Variants in DAB1 observed in about 807,000 individuals in gnomAD.
DAB1 encodes the protein DAB adaptor protein 1.
Under a neutral mutation model 64.6 loss-of-function variants are expected in DAB1, and 15 were observed. The observed-to-expected ratio is 0.23, with a 90% CI of 0.16 to 0.36. The LOEUF is 0.36. DAB1 is among the 10% of genes least tolerant of loss of function. The pLI is 1.00. For synonymous variants in DAB1, 235 were observed against 251.9 expected (o/e 0.93, Z 0.64); for missense variants, 596 against 706.7 (o/e 0.84, Z 1.78).
At chr1:57,340,294 A>G (rs1448979312) in intron 1 of DAB1, among the ~76,000 whole-genome samples, 1 of 152,242 alleles carries the variant, frequency 6.6e-6, no homozygotes, top group Non-Finnish European at 1.5e-5. Context: ...ATGCCTGTAC[A>G]CAAGTTCATT....
chr1:57,938,695 A>G (rs970680560), intron 5 of DAB1, among the ~76,000 whole-genome samples: 2 of 151,330 alleles, frequency 1.3e-5, no homozygotes, highest in Admixed American at 1.3e-4. Context: ...ACAGCATGTG[A>G]AAACAGACTA....
chr1:58,379,249 T>C (rs1190047442), intron 3 of DAB1, among the ~76,000 whole-genome samples: 1 of 152,238 alleles, frequency 6.6e-6, no homozygotes, highest in Non-Finnish European at 1.5e-5. Context: ...ATCTTGGAAG[T>C]AGCAGTCAGT....
chr1:58,300,598 AAGAAAGAAAGAAAGAGAGAGAGAGAGAG>A lies in DAB1; in HGVS notation n.309+42726_309+42753del, dbSNP rs1267963190. On this transcript the variant is annotated intron_variant and non_coding_transcript_variant, in intron 4 of 20. Coordinates refer to the DAB1 transcript ENST00000485760. ...AAAGAAAGAAAGAAAGAAAGAAAGAAAGAAAGAAAGAAAGAGAGAGAGAGAGAGAGAGAGAGAGAGAGAGAGAGAGGAA... is the reference window on the plus strand; with the variant it reads ...AAAGAAAGAAAGAAAGAAAGAAAGAAAGAGAGAGAGAGAGAGAGAGAGGAA... Among the ~76,000 whole-genome samples, 75 of 37,642 alleles carry A rather than the reference AAGAAAGAAAGAAAGAGAGAGAGAGAGAG, an allele frequency of 2.0e-3. 3 individuals carry two copies. The highest frequency in any genetic ancestry group is 3.1e-3 in the Non-Finnish European group (54 of 17,520). The allele number at this position is 37,642 out of a possible 152,430, so 24.7% of individuals were successfully genotyped here. A position where few individuals can be genotyped will look rare whatever the true frequency, so the allele number is the denominator to read the frequency against.
chr1:57,725,233 A>T (rs895715561), intron 6 of DAB1, among the ~76,000 whole-genome samples: 16 of 152,244 alleles, frequency 1.1e-4, no homozygotes, highest in Admixed American at 3.9e-4. Context: ...CAATTCTGAA[A>T]TCATGCAGGA....
At chr1:58,363,317 T>C (rs1644184380) in intron 3 of DAB1, among the ~76,000 whole-genome samples, 2 of 152,280 alleles carry the variant, frequency 1.3e-5, no homozygotes, top group South Asian at 4.1e-4. Flanking sequence ...TAAGCAGATA[T>C]AGAAATTTTC....
At chr1:57,566,442 T>C (rs539466414) in intron 7 of DAB1, among the ~76,000 whole-genome samples, 1 of 151,976 alleles carries the variant, frequency 6.6e-6, no homozygotes, top group Non-Finnish European at 1.5e-5. Context: ...GAACTGAAGA[T>C]GATAGAGACA....
chr1:57,721,640 T>C (rs1002131202), intron 6 of DAB1, among the ~76,000 whole-genome samples: 2 of 152,202 alleles, frequency 1.3e-5, no homozygotes, highest in Admixed American at 1.3e-4. Flanking sequence ...TCCAGGCTCT[T>C]AGCCACTATG....
intron 7 of DAB1, among the ~76,000 whole-genome samples, chr1:57,646,727 T>A (rs1436640657): frequency 6.6e-6 from 1 of 152,004 alleles, no homozygotes; most frequent in Non-Finnish European, 1.5e-5. Context: ...CCAGCATGGG[T>A]GACAGAGCGA....
At chr1:57,002,000 G>A (rs1405231865) in intron 14 of DAB1, among the ~76,000 whole-genome samples, 6 of 152,196 alleles carry the variant, frequency 3.9e-5, no homozygotes, top group Non-Finnish European at 1.5e-5. Flanking sequence ...TGGAACATGG[G>A]AGGTGCATCC....
At chr1:58,417,459 G>C (rs991979017) in intron 3 of DAB1, among the ~76,000 whole-genome samples, 19 of 152,158 alleles carry the variant, frequency 1.2e-4, no homozygotes, top group Non-Finnish European at 8.8e-5. Flanking sequence ...TCACTAGCTG[G>C]CCCCACGGCC....
At chr1:57,031,432 C>T (rs79601347) in intron 9 of DAB1, among the ~76,000 whole-genome samples, 51 of 152,294 alleles carry the variant, frequency 3.3e-4, no homozygotes, top group Admixed American at 8.5e-4. Context: ...TTCACATTTG[C>T]AAAACACTTT....
intron 4 of DAB1, among the ~76,000 whole-genome samples, chr1:58,157,823 C>T (rs1042899785): frequency 2.2e-4 from 33 of 152,104 alleles, no homozygotes; most frequent in African/African-American, 8.0e-4. Flanking sequence ...TTTTATACTG[C>T]TAATGAACAA....
At chr1:57,416,493 T>G (rs535458194) in intron 1 of DAB1, among the ~76,000 whole-genome samples, 10 of 152,286 alleles carry the variant, frequency 6.6e-5, no homozygotes, top group South Asian at 4.1e-4. Context: ...AGTAGATAGC[T>G]CTAGTGAATC....
intron 7 of DAB1, among the ~76,000 whole-genome samples, chr1:57,443,851 A>G (rs1312737940): frequency 6.6e-6 from 1 of 151,996 alleles, no homozygotes; most frequent in Non-Finnish European, 1.5e-5. Context: ...CCCTGTTTGC[A>G]CTCTTGCTTC....
intron 2 of DAB1, among the ~76,000 whole-genome samples, chr1:57,196,811 C>A (rs566759582): frequency 5.8e-4 from 88 of 152,262 alleles, no homozygotes; most frequent in African/African-American, 2.0e-3. Context: ...CAAAACTTAA[C>A]CTTTATGTAG....
At chr1:57,762,006 C>T (rs1475530727) in intron 6 of DAB1, among the ~76,000 whole-genome samples, 5 of 152,122 alleles carry the variant, frequency 3.3e-5, no homozygotes, top group African/African-American at 1.2e-4. Context: ...GTATCAGCTG[C>T]CATGGACAGA....
intron 4 of DAB1, among the ~76,000 whole-genome samples, chr1:58,230,047 C>T (rs766242221): frequency 9.9e-5 from 15 of 152,174 alleles, no homozygotes; most frequent in African/African-American, 3.1e-4. Flanking sequence ...CCCTACATCA[C>T]GCCATTGCTC....
At chr1:57,368,659 C>T (rs543735053) in intron 1 of DAB1, among the ~76,000 whole-genome samples, 2 of 152,270 alleles carry the variant, frequency 1.3e-5, no homozygotes, top group African/African-American at 2.4e-5. Flanking sequence ...CAGAGAGGAG[C>T]TACCCACTGC....
At chr1:57,866,020 C>G (rs1455645480) in intron 1 of DAB1, among the ~76,000 whole-genome samples, 1 of 152,168 alleles carries the variant, frequency 6.6e-6, no homozygotes, top group Non-Finnish European at 1.5e-5. Context: ...AGCTAGATCC[C>G]TGTGGTCTCT....
Sources: allele counts gnomAD v4.1 joint callset (sites outside exome capture counted in the v4.1 genomes callset), GRCh38; gene constraint gnomAD v4.1.1; transcripts MANE v1.5; gene names NCBI Gene and HGNC (gene_info 2026-07-23, HGNC 2026-07-21).